EYS: variants seen among roughly 807,000 people sequenced by gnomAD.
EYS encodes protein eyes shut homolog.
In EYS, 250 loss-of-function variants were observed where a neutral mutation model predicts 282.1. The observed-to-expected ratio is 0.89, with a 90% confidence interval of 0.80 to 0.98. The LOEUF (loss-of-function observed/expected upper bound fraction) is 0.98. Among genes scored for constraint, EYS ranks in the 50% least tolerant of loss-of-function variants. The pLI is 0.00. For missense variants in EYS, 4,016 were observed against 3,709.0 expected (o/e 1.08, Z -2.15); for synonymous variants, 1,355 against 1,282.9 (o/e 1.06, Z -1.20).
At chr6:64,126,616 CAG>C (rs140953519) in intron 31 of EYS, among the ~76,000 whole-genome samples, 2,926 of 152,128 alleles carry the variant, frequency 0.019, 81 homozygotes, top group African/African-American at 0.066. Context: ...TCTTACTGAC[CAG>C]AGCTCTATCA....
chr6:65,167,019 C>A (rs1764988953), intron 12 of EYS, among the ~76,000 whole-genome samples: 1 of 150,972 alleles, frequency 6.6e-6, no homozygotes, highest in African/African-American at 2.4e-5. Context: ...ACTAGGATGA[C>A]AACAATTAAA....
chr6:63,863,680 T>TTTTCTTTTCTTTTCTTTTCTTTC (rs1562066227), intron 36 of EYS, among the ~76,000 whole-genome samples: 2 of 125,434 alleles, frequency 1.6e-5, no homozygotes, highest in African/African-American at 6.3e-5. Context: ...TTTTTCTTTT[T>TTTTCTTTTCTTTTCTTTTCTTTC]TTTTTTTTTT....
chr6:64,290,658 T>TA (rs1330951072), intron 30 of EYS, among the ~76,000 whole-genome samples: 1 of 151,904 alleles, frequency 6.6e-6, no homozygotes, highest in Admixed American at 6.6e-5. Flanking sequence ...GTGGGGGGCT[T>TA]AGAGTCCTCT....
At chr6:65,180,846 T>C in intron 12 of EYS, among the ~76,000 whole-genome samples, 1 of 152,152 alleles carries the variant, frequency 6.6e-6, no homozygotes, top group Non-Finnish European at 1.5e-5. Flanking sequence ...ATGGTACTGG[T>C]ACCAAAACAG....
intron 22 of EYS, among the ~76,000 whole-genome samples, chr6:64,682,683 T>C (rs1769942518): frequency 6.6e-6 from 1 of 152,104 alleles, no homozygotes; most frequent in Non-Finnish European, 1.5e-5. Flanking sequence ...GGGAGTAGTA[T>C]TGAGAAAGAA....
chr6:64,179,054 A>G (rs1328537732), intron 31 of EYS, among the ~76,000 whole-genome samples: 1 of 152,062 alleles, frequency 6.6e-6, no homozygotes, highest in Non-Finnish European at 1.5e-5. Flanking sequence ...AGCCTCCGGA[A>G]CACTATATTG....
At chr6:64,312,321 C>T (rs568840451) in intron 29 of EYS, among the ~76,000 whole-genome samples, 1 of 152,264 alleles carries the variant, frequency 6.6e-6, no homozygotes, top group African/African-American at 2.4e-5. Flanking sequence ...GGCCAGACTG[C>T]ATCTCTAGAT....
In EYS at chr6:65,013,650, A is replaced by G. The variant is rs561131599; in HGVS notation, c.2138-15947T>C. ...CAGGACTTTGGGAGGCCAAGGTGGG[A>G]GGATTGTTTGAGGCCAGAAGTTTGA... On this transcript the variant is annotated intron_variant, in intron 13 of 42. Coordinates refer to ENST00000503581, the MANE Select transcript of EYS (RefSeq NM_001142800.2). 2.6e-5 allele frequency among the ~76,000 whole-genome samples: 4 copies of G among 152,190 alleles called. No individual in the cohort carries two copies. In the East Asian group the frequency reaches 7.7e-4, roughly 29 times the overall value.
rs1359159422 is a variant in EYS, at chr6:64,538,836, A to G, written c.5644+51387T>C. Among the ~76,000 whole-genome samples the G allele has an allele frequency of 2.6e-5, 4 of 152,202 alleles. No homozygotes were observed. The East Asian group carries it at 7.7e-4, about 29-fold the overall frequency. On this transcript the variant is annotated intron_variant, in intron 26 of 42. Transcript: ENST00000503581. Reference sequence around the variant, plus strand: ...TTATCAAATGGCTAGTAAGCGTAGAACTAGGATTATAAAACAGATCCATTT... The same window carrying G: ...TTATCAAATGGCTAGTAAGCGTAGAGCTAGGATTATAAAACAGATCCATTT...
chr6:64,802,235 T>A (rs1352535345), intron 22 of EYS, among the ~76,000 whole-genome samples: 1 of 151,520 alleles, frequency 6.6e-6, no homozygotes, highest in Admixed American at 6.6e-5. Context: ...AGATTTCACC[T>A]CTGTGGCTAA....
chr6:64,172,523 G>GA (rs1421962093), intron 31 of EYS, among the ~76,000 whole-genome samples: 1 of 151,938 alleles, frequency 6.6e-6, no homozygotes, highest in Non-Finnish European at 1.5e-5. Context: ...GTGGTTCCTG[G>GA]AAAAAAATAA....
chr6:64,289,876 C>T (rs544329535), intron 30 of EYS, among the ~76,000 whole-genome samples: 7 of 152,088 alleles, frequency 4.6e-5, no homozygotes, highest in South Asian at 2.1e-4. Context: ...AGTGCCTTAG[C>T]GCACAGAATT....
At chr6:65,476,106 T>G (rs933473877) in intron 5 of EYS, among the ~76,000 whole-genome samples, 19 of 152,136 alleles carry the variant, frequency 1.2e-4, no homozygotes, top group African/African-American at 4.6e-4. Flanking sequence ...AAAAAAGGCA[T>G]GATTGAATTA....
chr6:63,884,473 C>T (rs1046209643), intron 35 of EYS, among the ~76,000 whole-genome samples: 6 of 151,930 alleles, frequency 3.9e-5, no homozygotes, highest in African/African-American at 7.3e-5. Context: ...AAAAATGTTA[C>T]CTAGCTTGAT....
intron 1 of EYS, among the ~76,000 whole-genome samples, chr6:65,653,318 A>G (rs1264407002): frequency 7.9e-5 from 12 of 151,920 alleles, no homozygotes; most frequent in South Asian, 2.1e-4. Flanking sequence ...GGATGGGCAT[A>G]GTTTATATGT....
intron 31 of EYS, among the ~76,000 whole-genome samples, chr6:64,160,877 C>T (rs1775084603): frequency 1.3e-5 from 2 of 152,182 alleles, no homozygotes; most frequent in Non-Finnish European, 2.9e-5. Context: ...TTGGGAACTA[C>T]ATAAACATAC....
intron 26 of EYS, among the ~76,000 whole-genome samples, chr6:64,564,928 T>C (rs547329423): frequency 5.0e-4 from 76 of 152,326 alleles, no homozygotes; most frequent in Middle Eastern, 6.8e-3. Flanking sequence ...TACCTGATTT[T>C]AGTATGTTGA....
chr6:65,053,725 C>T (rs1029766340), intron 13 of EYS, among the ~76,000 whole-genome samples: 3 of 151,962 alleles, frequency 2.0e-5, no homozygotes, highest in East Asian at 3.9e-4. Context: ...CAGCCATCCA[C>T]CATACATAAA....
chr6:65,534,184 T>C (rs1014682097), intron 2 of EYS, among the ~76,000 whole-genome samples: 4 of 152,128 alleles, frequency 2.6e-5, no homozygotes, highest in South Asian at 2.1e-4. Flanking sequence ...AATCACCTTA[T>C]AGGAACTATT....
Sources: allele counts gnomAD v4.1 joint callset (sites outside exome capture counted in the v4.1 genomes callset), GRCh38; gene constraint gnomAD v4.1.1; transcripts MANE v1.5; gene names NCBI Gene and HGNC (gene_info 2026-07-23, HGNC 2026-07-21).